Variants in DPP10 observed in about 807,000 individuals in gnomAD.
The protein encoded by DPP10 is dipeptidyl peptidase like 10.
In DPP10, 33 loss-of-function variants were observed where a neutral mutation model predicts 120.9. The ratio of observed to expected loss-of-function variants is 0.27; its 90% confidence interval spans 0.21 to 0.37. DPP10 has a LOEUF of 0.37. DPP10 is among the 10% of genes least tolerant of loss of function. The pLI, the probability that DPP10 is intolerant of heterozygous loss-of-function variation, is 1.00. For missense variants in DPP10, 816 were observed against 942.8 expected, an observed-to-expected ratio of 0.87 and a Z score of 1.76; for synonymous variants, 337 against 326.1, an observed-to-expected ratio of 1.03 and a Z score of -0.36.
Position 114,653,027 on chromosome 2 carries a change from A to AGTGTGTGTGTGTGTGT in DPP10, c.60+210206_60+210221dup, listed in dbSNP as rs10528455. On this transcript the variant is annotated intron_variant, in intron 1 of 25. Coordinates refer to ENST00000410059, the MANE Select transcript of DPP10 (RefSeq NM_020868.6). ...GAGAGAGAAAGAGAGAGAGAGAGAG[A>AGTGTGTGTGTGTGTGT]GTGTGTGTGTGTGTGTGTGTGTGTG... Among the ~76,000 whole-genome samples, 820 of 135,766 alleles carry AGTGTGTGTGTGTGTGT rather than the reference A, an allele frequency of 6.0e-3. 5 individuals are homozygous for AGTGTGTGTGTGTGTGT. Among genetic ancestry groups the AGTGTGTGTGTGTGTGT allele is most frequent in the African/African-American group, 0.023 (759 of 32,460 alleles). The allele number at this position is 135,766 out of a possible 152,430, so 89.1% of individuals were successfully genotyped here.
chr2:114,751,941 G>A (rs925426124), intron 1 of DPP10, among the ~76,000 whole-genome samples: 3 of 152,194 alleles, frequency 2.0e-5, no homozygotes, highest in African/African-American at 7.2e-5. Flanking sequence ...AGTAGATCTG[G>A]CATGGGGCCT....
chr2:115,671,255 G>A (rs984970378), intron 5 of DPP10, among the ~76,000 whole-genome samples: 1 of 151,812 alleles, frequency 6.6e-6, no homozygotes, highest in Non-Finnish European at 1.5e-5. Flanking sequence ...TAATATTTGA[G>A]TTCTGGTCTT....
intron 1 of DPP10, among the ~76,000 whole-genome samples, chr2:115,262,171 A>ATAT (rs758007308): frequency 4.6e-5 from 7 of 152,134 alleles, no homozygotes; most frequent in Non-Finnish European, 1.0e-4. Flanking sequence ...AAGAGGGCAC[A>ATAT]TATTAATTCA....
intron 5 of DPP10, among the ~76,000 whole-genome samples, chr2:115,666,873 AC>A (rs1224591860): frequency 6.6e-6 from 1 of 152,190 alleles, no homozygotes; most frequent in Non-Finnish European, 1.5e-5. Flanking sequence ...ATTCTTACCA[AC>A]AGTGTATAAG....
At chr2:115,228,713 C>T (rs927517429) in intron 1 of DPP10, among the ~76,000 whole-genome samples, 2 of 152,160 alleles carry the variant, frequency 1.3e-5, no homozygotes, top group Non-Finnish European at 2.9e-5. Flanking sequence ...GGATCTCATA[C>T]TTTTATATGG....
intron 4 of DPP10, among the ~76,000 whole-genome samples, chr2:115,518,526 A>C (rs536407636): frequency 6.6e-6 from 1 of 152,226 alleles, no homozygotes; most frequent in Non-Finnish European, 1.5e-5. Flanking sequence ...AATATTGGAC[A>C]TTATAGTTTC....
chr2:114,975,538 T>C (rs770056690), intron 1 of DPP10, among the ~76,000 whole-genome samples: 12 of 152,206 alleles, frequency 7.9e-5, no homozygotes, highest in Non-Finnish European at 1.8e-4. Flanking sequence ...AACTAGTGAA[T>C]GGTGTCTAGT....
chr2:115,781,837 T>C (rs760624450), intron 16 of DPP10, among the ~76,000 whole-genome samples: 3 of 152,068 alleles, frequency 2.0e-5, no homozygotes, highest in Non-Finnish European at 4.4e-5. Flanking sequence ...ACAAATTAGC[T>C]AGTGTATTTT....
intron 1 of DPP10, among the ~76,000 whole-genome samples, chr2:114,571,893 C>T (rs544174176): frequency 2.2e-4 from 32 of 146,832 alleles, no homozygotes; most frequent in Non-Finnish European, 3.6e-4. Context: ...GTATATAATA[C>T]AATATTTATA....
intron 1 of DPP10, among the ~76,000 whole-genome samples, chr2:114,995,462 G>A (rs1701019927): frequency 6.6e-6 from 1 of 151,842 alleles, no homozygotes; most frequent in Admixed American, 6.6e-5. Flanking sequence ...TTTCTAACAG[G>A]CTTCTAAACA....
intron 1 of DPP10, among the ~76,000 whole-genome samples, chr2:115,130,288 T>C (rs2050274751): frequency 6.6e-6 from 1 of 152,208 alleles, no homozygotes; most frequent in South Asian, 2.1e-4. Flanking sequence ...TTGAGCATTT[T>C]TTGAATTTCA....
chr2:115,421,655 G>A (rs904270698), intron 3 of DPP10, among the ~76,000 whole-genome samples: 1 of 151,836 alleles, frequency 6.6e-6, no homozygotes, highest in Non-Finnish European at 1.5e-5. Flanking sequence ...GGCGGATCAC[G>A]AAGTCAAGAG....
chr2:115,765,890 G>A (rs1680644226), intron 12 of DPP10, among the ~76,000 whole-genome samples: 1 of 151,960 alleles, frequency 6.6e-6, no homozygotes, highest in African/African-American at 2.4e-5. Flanking sequence ...TATTACATAT[G>A]TTACTTATAT....
chr2:115,211,303 A>G (rs1356294490), intron 1 of DPP10, among the ~76,000 whole-genome samples: 1 of 150,150 alleles, frequency 6.7e-6, no homozygotes, highest in Non-Finnish European at 1.5e-5. Flanking sequence ...ATCATTTCTC[A>G]TAGGAAATCA....
At chr2:114,897,130 C>G (rs1422877643) in intron 1 of DPP10, among the ~76,000 whole-genome samples, 1 of 152,066 alleles carries the variant, frequency 6.6e-6, no homozygotes, top group African/African-American at 2.4e-5. Flanking sequence ...CTGCTGAATT[C>G]GGTTTGCCAG....
At chr2:115,651,141 C>T (rs949177843) in intron 5 of DPP10, among the ~76,000 whole-genome samples, 2 of 151,994 alleles carry the variant, frequency 1.3e-5, no homozygotes, top group Admixed American at 1.3e-4. Flanking sequence ...CTGTGTTTCC[C>T]ATCACCTAGT....
At chr2:114,603,884 G>C (rs1410776287) in intron 1 of DPP10, among the ~76,000 whole-genome samples, 1 of 152,040 alleles carries the variant, frequency 6.6e-6, no homozygotes. Flanking sequence ...TGCTAGAAAG[G>C]CTCACAGGAC....
chr2:115,321,451 CCTAT>C (rs1226819181), intron 2 of DPP10, among the ~76,000 whole-genome samples: 7 of 150,722 alleles, frequency 4.6e-5, no homozygotes, highest in African/African-American at 1.7e-4. Flanking sequence ...CTTGCAGGAT[CCTAT>C]CTTTGTTCTT....
At chr2:115,622,351 A>C (rs2085015050) in intron 5 of DPP10, among the ~76,000 whole-genome samples, 1 of 152,148 alleles carries the variant, frequency 6.6e-6, no homozygotes, top group Non-Finnish European at 1.5e-5. Flanking sequence ...TGTAGCATCT[A>C]TCAGTGCTTC....
Sources: allele counts gnomAD v4.1 joint callset (sites outside exome capture counted in the v4.1 genomes callset), GRCh38; gene constraint gnomAD v4.1.1; transcripts MANE v1.5; gene names NCBI Gene and HGNC (gene_info 2026-07-23, HGNC 2026-07-21).